Variants in NMNAT2 observed in about 807,000 individuals in gnomAD.
NMNAT2 encodes the protein nicotinamide nucleotide adenylyltransferase 2, also known as nicotinamide/nicotinic acid mononucleotide adenylyltransferase 2.
In NMNAT2, 11 loss-of-function variants were observed where a neutral mutation model predicts 41.6. That is an observed-to-expected ratio of 0.26 (90% confidence interval 0.17 to 0.44). NMNAT2 has a LOEUF of 0.44. Among genes scored for constraint, NMNAT2 ranks in the 20% least tolerant of loss-of-function variants. The probability of loss-of-function intolerance (pLI) is 1.00; values close to 1 mark genes in which losing one functional copy is unlikely to be tolerated. For missense variants in NMNAT2, 288 were observed against 407.7 expected, an observed-to-expected ratio of 0.71 and a Z score of 2.53; for synonymous variants, 148 against 151.2, an observed-to-expected ratio of 0.98 and a Z score of 0.16.
At chr1:183,313,630 C>A (rs1011993720) in intron 1 of NMNAT2, among the ~76,000 whole-genome samples, 1 of 151,978 alleles carries the variant, frequency 6.6e-6, no homozygotes, top group African/African-American at 2.4e-5. Flanking sequence ...GGATTACAGG[C>A]GCATGCCACC....
intron 1 of NMNAT2, among the ~76,000 whole-genome samples, chr1:183,353,715 C>T (rs764983036): frequency 3.9e-5 from 6 of 152,164 alleles, no homozygotes; most frequent in Non-Finnish European, 7.3e-5. Flanking sequence ...GACTCACCCA[C>T]GTATTGCTGG....
At chr1:183,330,630 G>A (rs113302999) in intron 1 of NMNAT2, among the ~76,000 whole-genome samples, 1 of 152,332 alleles carries the variant, frequency 6.6e-6, no homozygotes, top group Non-Finnish European at 1.5e-5. Context: ...AACTTGGTGG[G>A]CTATGCACGC....
Position 183,304,826 on chromosome 1 carries a change from T to C in NMNAT2, c.86-11033A>G. The stretch of plus-strand genomic sequence containing the variant: ...CAAAGTGGTGCAGCTGCTCCCTCAT[T>C]GTTGCTGATCTTGTTTGCTCCACTA... On this transcript the variant is annotated intron_variant, in intron 1 of 10. Coordinates refer to ENST00000287713, the MANE Select transcript of NMNAT2 (RefSeq NM_015039.4). The C allele has an allele frequency of 2.5e-6, 4 of 1,601,556 alleles. No homozygotes were observed. The South Asian group carries it at 3.3e-5, about 13-fold the overall frequency.
intron 1 of NMNAT2, among the ~76,000 whole-genome samples, chr1:183,371,368 A>G (rs1251932879): frequency 6.6e-6 from 1 of 152,146 alleles, no homozygotes; most frequent in Non-Finnish European, 1.5e-5. Context: ...CAACGCAACT[A>G]CTCTATGTGA....
rs201604722 is a variant in NMNAT2 at position 183,284,724 on chromosome 1, C to T, written c.515G>A (p.Arg172His). Residue 172 changes from arginine (R) to histidine (H), a missense_variant, in exon 6 of 11, where the codon CGT becomes CAT. Around this residue, in one of 3 missense-constraint regions of NMNAT2, gnomAD observed 181 missense variants for 213.7 expected, o/e 0.85. Coordinates refer to ENST00000287713, the MANE Select transcript of NMNAT2 (RefSeq NM_015039.4). ...TGGTTCCTCACCTACAAAGGTGAAA[C>T]GCTCCACCGGCGGGCGGACACAGCA... ...RICCVRPPVE[R>H]FTFVDENANL... 2.9e-5 allele frequency: 47 copies of T among 1,614,034 alleles called. 1 individual carries two copies. Among genetic ancestry groups the T allele is most frequent in the South Asian group, 1.4e-4 (13 of 91,074 alleles).
intron 1 of NMNAT2, among the ~76,000 whole-genome samples, chr1:183,359,912 A>G (rs751371344): frequency 3.9e-5 from 6 of 152,176 alleles, no homozygotes; most frequent in Admixed American, 2.0e-4. Flanking sequence ...AGCATTTTAG[A>G]ACGTTTCTTC....
chr1:183,355,210 G>C (rs1663157982), intron 1 of NMNAT2, among the ~76,000 whole-genome samples: 1 of 152,138 alleles, frequency 6.6e-6, no homozygotes, highest in Admixed American at 6.5e-5. Context: ...TTTCCTCGGA[G>C]AGGACTTCTG....
At chr1:183,367,177 G>A (rs1663431304) in intron 1 of NMNAT2, among the ~76,000 whole-genome samples, 1 of 152,180 alleles carries the variant, frequency 6.6e-6, no homozygotes, top group African/African-American at 2.4e-5. Flanking sequence ...AATAAATAAG[G>A]GCCGGGAGTG....
intron 7 of NMNAT2, among the ~76,000 whole-genome samples, chr1:183,281,068 A>G (rs1001684020): frequency 3.3e-5 from 5 of 152,110 alleles, no homozygotes; most frequent in African/African-American, 1.2e-4. Flanking sequence ...TATAGGCTTG[A>G]GTCACCGCGC....
At chr1:183,357,872 G>T (rs1335552802) in intron 1 of NMNAT2, among the ~76,000 whole-genome samples, 1 of 152,016 alleles carries the variant, frequency 6.6e-6, no homozygotes, top group African/African-American at 2.4e-5. Flanking sequence ...GTAAATAACT[G>T]TTTAACTCAG....
At chr1:183,280,764 A>T (rs1387981567) in intron 7 of NMNAT2, among the ~76,000 whole-genome samples, 11 of 117,722 alleles carry the variant, frequency 9.3e-5, no homozygotes, top group South Asian at 5.6e-4. Flanking sequence ...AGCTATTGTT[A>T]GTGTTAGTGT....
chr1:183,381,889 A>G (rs897612866), intron 1 of NMNAT2, among the ~76,000 whole-genome samples: 2 of 152,200 alleles, frequency 1.3e-5, no homozygotes, highest in East Asian at 1.9e-4. Flanking sequence ...GAGAATAACA[A>G]TCTTGTTCTA....
chr1:183,398,558 G>A (rs1648720978), intron 1 of NMNAT2, among the ~76,000 whole-genome samples: 2 of 152,086 alleles, frequency 1.3e-5, no homozygotes, highest in South Asian at 4.2e-4. Context: ...GCACCAAGGG[G>A]ACCTAATAGA....
At chr1:183,367,224 T>C (rs1350811477) in intron 1 of NMNAT2, among the ~76,000 whole-genome samples, 3 of 152,132 alleles carry the variant, frequency 2.0e-5, no homozygotes, top group African/African-American at 7.2e-5. Flanking sequence ...TTTGGGAGGC[T>C]GAGGCGGGCA....
At chr1:183,409,462 G>A (rs1285383349) in intron 1 of NMNAT2, among the ~76,000 whole-genome samples, 1 of 152,014 alleles carries the variant, frequency 6.6e-6, no homozygotes, top group Non-Finnish European at 1.5e-5. Flanking sequence ...GACTGCAGAT[G>A]CACACCACCA....
At chr1:183,354,406 T>A (rs988754094) in intron 1 of NMNAT2, among the ~76,000 whole-genome samples, 1 of 137,676 alleles carries the variant, frequency 7.3e-6, no homozygotes, top group Non-Finnish European at 1.5e-5. Context: ...CCATCTTTAA[T>A]GTCTTTTTTT....
chr1:183,390,531 A>G (rs1648448853), intron 1 of NMNAT2, among the ~76,000 whole-genome samples: 1 of 152,178 alleles, frequency 6.6e-6, no homozygotes, highest in Admixed American at 6.5e-5. Flanking sequence ...TGGTAGTTAT[A>G]CAAATTATAC....
chr1:183,274,657 T>G (rs949391389), intron 8 of NMNAT2, among the ~76,000 whole-genome samples: 3 of 149,982 alleles, frequency 2.0e-5, no homozygotes, highest in Non-Finnish European at 4.4e-5. Flanking sequence ...TTGAACCTAG[T>G]GCAGTGGCTC....
chr1:183,339,180 C>G (rs1389980160), intron 1 of NMNAT2, among the ~76,000 whole-genome samples: 1 of 152,064 alleles, frequency 6.6e-6, no homozygotes, highest in Non-Finnish European at 1.5e-5. Flanking sequence ...TCACTGCAAG[C>G]TCTGCCTCCC....
Sources: allele counts gnomAD v4.1 joint callset (sites outside exome capture counted in the v4.1 genomes callset), GRCh38; gene constraint gnomAD v4.1.1; regional missense constraint gnomAD v4.1.1; transcripts MANE v1.5; gene names NCBI Gene and HGNC (gene_info 2026-07-23, HGNC 2026-07-21).